Variants in ITGB3BP observed in about 807,000 individuals in gnomAD.
ITGB3BP encodes centromere protein R.
ITGB3BP carries 27 observed loss-of-function variants against 29.1 expected under a neutral mutation model. The ratio of observed to expected loss-of-function variants is 0.93; its 90% confidence interval spans 0.68 to 1.28. ITGB3BP has a LOEUF of 1.28. ITGB3BP is among the 50% of genes most tolerant of loss of function. The pLI, the probability that ITGB3BP is intolerant of heterozygous loss-of-function variation, is 0.00. For synonymous variants in ITGB3BP, 61 were observed against 61.4 expected (o/e 0.99, Z 0.03); for missense variants, 192 against 200.2 (o/e 0.96, Z 0.25).
chr1:63,464,950 G>A (rs1377642678), intron 4 of ITGB3BP, among the ~76,000 whole-genome samples: 1 of 152,072 alleles, frequency 6.6e-6, no homozygotes, highest in Admixed American at 6.6e-5. Context: ...TAGATTGAAG[G>A]AAACTTTAAG....
chr1:63,518,000 G>C (rs563764737), intron 1 of ITGB3BP, among the ~76,000 whole-genome samples: 3 of 152,288 alleles, frequency 2.0e-5, no homozygotes, highest in Admixed American at 2.0e-4. Context: ...TGGGATTACC[G>C]GCATGAGCCA....
intron 4 of ITGB3BP, among the ~76,000 whole-genome samples, chr1:63,475,459 G>A (rs1196800930): frequency 1.3e-5 from 2 of 152,186 alleles, no homozygotes; most frequent in Non-Finnish European, 1.5e-5. Flanking sequence ...GGAGGCTGAG[G>A]TGGGAGGATA....
At chr1:63,490,443 A>C (rs1037478368) in intron 2 of ITGB3BP, among the ~76,000 whole-genome samples, 10 of 152,162 alleles carry the variant, frequency 6.6e-5, no homozygotes, top group African/African-American at 2.4e-4. Context: ...TATTTACTAA[A>C]TTTTAGCATT....
chr1:63,469,667 T>C (rs542447741), intron 4 of ITGB3BP, among the ~76,000 whole-genome samples: 1 of 152,320 alleles, frequency 6.6e-6, no homozygotes, highest in South Asian at 2.1e-4. Flanking sequence ...TGGGCATATC[T>C]AAAGATACAA....
chr1:63,490,809 A>C (rs1645629175), intron 2 of ITGB3BP, among the ~76,000 whole-genome samples: 1 of 152,132 alleles, frequency 6.6e-6, no homozygotes, highest in Non-Finnish European at 1.5e-5. Flanking sequence ...CATACCTCTT[A>C]TTTCAGGTAA....
intron 7 of ITGB3BP, among the ~76,000 whole-genome samples, chr1:63,452,583 CAG>C (rs746558695): frequency 4.1e-4 from 62 of 152,168 alleles, no homozygotes; most frequent in Admixed American, 8.5e-4. Flanking sequence ...GTCTGGGTGA[CAG>C]GGTACAATCC....
intron 4 of ITGB3BP, among the ~76,000 whole-genome samples, chr1:63,465,209 G>A (rs995536586): frequency 2.0e-5 from 3 of 152,138 alleles, no homozygotes; most frequent in Non-Finnish European, 4.4e-5. Flanking sequence ...GAGTACCTAT[G>A]TATGTGTGTG....
upstream of ITGB3BP, among the ~76,000 whole-genome samples, chr1:63,525,119 G>A (rs898362901): frequency 1.3e-5 from 2 of 152,028 alleles, no homozygotes; most frequent in East Asian, 1.9e-4. Context: ...CACTTACTAC[G>A]TGTCAAGCAA....
intron 2 of ITGB3BP, among the ~76,000 whole-genome samples, chr1:63,495,924 T>G (rs6678666): frequency 0.34 from 51,406 of 151,814 alleles, 8,939 homozygotes; most frequent in East Asian, 0.48. Flanking sequence ...ATCTCTCAGG[T>G]AGATTAGGGC....
At chr1:63,442,832 AG>A (rs1644746534) in intron 8 of ITGB3BP, 1 of 152,234 alleles carries the variant, frequency 6.6e-6, no homozygotes, top group Non-Finnish European at 1.5e-5. Context: ...CATAATACAC[AG>A]CGCTTTGTTC....
intron 7 of ITGB3BP, among the ~76,000 whole-genome samples, chr1:63,450,385 T>A (rs1277191615): frequency 6.6e-6 from 1 of 151,994 alleles, no homozygotes; most frequent in African/African-American, 2.4e-5. Context: ...CAAAAACATT[T>A]TGTTTATTGG....
intron 8 of ITGB3BP, among the ~76,000 whole-genome samples, chr1:63,444,446 CTATATATATATTACATATAGGA>C (rs1173389150): frequency 1.5e-4 from 21 of 135,914 alleles, no homozygotes; most frequent in African/African-American, 2.8e-4. Flanking sequence ...TATATATATC[CTATATATATATTACATATAGGA>C]TATATATATT....
At chr1:63,511,258 T>TA (rs939480339) in intron 1 of ITGB3BP, among the ~76,000 whole-genome samples, 1 of 151,870 alleles carries the variant, frequency 6.6e-6, no homozygotes, top group African/African-American at 2.4e-5. Flanking sequence ...TGGCTACTAT[T>TA]AAAAAACCAA....
intron 7 of ITGB3BP, among the ~76,000 whole-genome samples, chr1:63,448,336 TAA>T (rs528386529): frequency 7.5e-6 from 1 of 133,016 alleles, no homozygotes; most frequent in African/African-American, 2.8e-5. Flanking sequence ...TAATAAAAAA[TAA>T]AAAAAAAAAA....
At chr1:63,522,835 G>A (rs1646486787) in intron 1 of ITGB3BP, 1 of 545,340 alleles carries the variant, frequency 1.8e-6, no homozygotes, top group Non-Finnish European at 3.4e-6. Context: ...CCCATCCTGT[G>A]TGTCAACCTT....
chr1:63,455,325 A>G (rs1459622230), intron 4 of ITGB3BP, among the ~76,000 whole-genome samples: 6 of 152,202 alleles, frequency 3.9e-5, no homozygotes. Flanking sequence ...GAAAATAAAG[A>G]AAAGGAAAAG....
At chr1:63,444,632 GATATATATATATCTCCTATTACA>G (rs1361811627) in intron 8 of ITGB3BP, among the ~76,000 whole-genome samples, 12 of 105,448 alleles carry the variant, frequency 1.1e-4, no homozygotes, top group Non-Finnish European at 2.1e-4. Flanking sequence ...ACATATAGGA[GATATATATATATCTCCTATTACA>G]ATATATATAT....
chr1:63,490,364 CAAAGT>C, intron 2 of ITGB3BP, 146 bp from the exon 3 acceptor site: 8 of 580,558 alleles, frequency 1.4e-5, no homozygotes, highest in Non-Finnish European at 2.4e-5. Context: ...CTATCACTCT[CAAAGT>C]AAACACTATT....
At chr1:63,520,187 T>C (rs1244622109) in intron 1 of ITGB3BP, among the ~76,000 whole-genome samples, 1 of 151,876 alleles carries the variant, frequency 6.6e-6, no homozygotes, top group Non-Finnish European at 1.5e-5. Flanking sequence ...CTACATAGAA[T>C]GAAATCTTTC....
Sources: allele counts gnomAD v4.1 joint callset (sites outside exome capture counted in the v4.1 genomes callset), GRCh38; gene constraint gnomAD v4.1.1; transcripts MANE v1.5; gene names NCBI Gene and HGNC (gene_info 2026-07-23, HGNC 2026-07-21).